GABRR1: variants seen among roughly 807,000 people sequenced by gnomAD.
GABRR1 encodes the protein gamma-aminobutyric acid receptor subunit rho-1.
Under a neutral mutation model 55.5 loss-of-function variants are expected in GABRR1, and 59 were observed. The observed-to-expected ratio is 1.06, with a 90% CI of 0.86 to 1.32. The LOEUF is 1.32. Ranked by LOEUF, GABRR1 falls within the 40% of genes most tolerant of loss-of-function variation. GABRR1 has a pLI of 0.00. For missense variants in GABRR1, 602 were observed against 619.1 expected (o/e 0.97, Z 0.29); for synonymous variants, 213 against 226.0 (o/e 0.94, Z 0.51).
intron 1 of GABRR1, among the ~76,000 whole-genome samples, chr6:89,226,085 G>A (rs1345824037): frequency 3.9e-5 from 6 of 152,054 alleles, no homozygotes; most frequent in Non-Finnish European, 8.8e-5. Context: ...GTCTGTTCAT[G>A]TCCTTCGCCC....
chr6:89,183,963 G>A (rs1031989029), intron 7 of GABRR1, among the ~76,000 whole-genome samples: 2 of 152,142 alleles, frequency 1.3e-5, no homozygotes, highest in Admixed American at 6.5e-5. Context: ...ACTTCAGCTG[G>A]GCGCAGTGGT....
chr6:89,185,281 C>T lies in GABRR1; in HGVS notation c.796+29G>A, dbSNP rs1277779003. On this transcript the variant is annotated intron_variant, in intron 7 of 9. Coordinates refer to ENST00000454853, the MANE Select transcript of GABRR1 (RefSeq NM_002042.5). ...CTTGGAGACCAAGCTGAAGCCTGCC[C>T]TGACTCTCAGCCCTCACTCTACACT... 6.2e-6 allele frequency: 10 copies of T among 1,612,998 alleles called. No homozygotes were observed. In the South Asian group the frequency reaches 7.7e-5, roughly 12 times the overall value.
At chr6:89,184,557 A>T (rs1360280233) in intron 7 of GABRR1, among the ~76,000 whole-genome samples, 1 of 152,214 alleles carries the variant, frequency 6.6e-6, no homozygotes, top group Admixed American at 6.5e-5. Flanking sequence ...CAGCATAGCA[A>T]GAGCAGACTG....
chr6:89,204,614 T>C (rs944407071), intron 1 of GABRR1: 5 of 1,270,616 alleles, frequency 3.9e-6, no homozygotes, highest in Middle Eastern at 2.2e-4. Context: ...TGGGCCAGCC[T>C]GAAATGGAAC....
At chr6:89,225,518 G>C (rs1454985523) in intron 1 of GABRR1, among the ~76,000 whole-genome samples, 2 of 133,814 alleles carry the variant, frequency 1.5e-5, no homozygotes, top group African/African-American at 5.8e-5. Context: ...TGCGGTGTTT[G>C]GTTTTTTGTT....
chr6:89,199,261 G>C (rs1336715593), intron 4 of GABRR1, 101 bp downstream of exon 4: 2 of 1,028,784 alleles, frequency 1.9e-6, no homozygotes, highest in Non-Finnish European at 1.5e-6. Context: ...CCACCGCCCA[G>C]GGCAGTTGTG....
At chr6:89,206,338 C>G (rs1043875447) in intron 1 of GABRR1, among the ~76,000 whole-genome samples, 2 of 152,138 alleles carry the variant, frequency 1.3e-5, no homozygotes, top group Admixed American at 6.6e-5. Flanking sequence ...CCACTCAGCT[C>G]CCACTCTGCC....
chr6:89,192,564 CTTT>C (rs577439930), intron 5 of GABRR1, among the ~76,000 whole-genome samples: 5 of 130,378 alleles, frequency 3.8e-5, no homozygotes, highest in East Asian at 2.2e-4. Flanking sequence ...TCTTCTTCTT[CTTT>C]TTTTTTTTTT....
At chr6:89,201,047 T>C (rs1012403216) in intron 3 of GABRR1, 112 bp downstream of exon 3, 6 of 758,802 alleles carry the variant, frequency 7.9e-6, no homozygotes, top group Admixed American at 2.1e-5. Flanking sequence ...CAAGCACAAC[T>C]GAGGCAGACC....
At chr6:89,184,947 G>A (rs1771853813) in intron 7 of GABRR1, among the ~76,000 whole-genome samples, 1 of 144,234 alleles carries the variant, frequency 6.9e-6, no homozygotes, top group African/African-American at 2.6e-5. Flanking sequence ...GTGCAGTGGT[G>A]TGATCTCAGC....
chr6:89,199,160 G>A (rs111740397), intron 4 of GABRR1, among the ~76,000 whole-genome samples: 21 of 152,260 alleles, frequency 1.4e-4, no homozygotes, highest in African/African-American at 2.4e-4. Context: ...GAGTGAGAAA[G>A]GTTAAGCTTG....
chr6:89,229,537 G>A (rs1773250649), intron 1 of GABRR1, among the ~76,000 whole-genome samples: 1 of 148,356 alleles, frequency 6.7e-6, no homozygotes, highest in Non-Finnish European at 1.5e-5. Context: ...AGTTTGGCTG[G>A]ATATGAAATT....
At position 89,190,240 on chromosome 6, in the gene GABRR1, C is replaced by T. The variant is rs764721810; in HGVS notation, c.580G>A (p.Val194Ile). The change falls in exon 6 of 10, where the codon GTA (valine) becomes ATA (isoleucine). Residue 194 changes from valine to isoleucine, a missense_variant. Physicochemically the swap from Val to Ile is conservative, Grantham distance 29. Around this residue, in one of 3 missense-constraint regions of GABRR1, gnomAD observed 435 missense variants for 424.2 expected, o/e 1.03. Coordinates refer to ENST00000454853, the MANE Select transcript of GABRR1 (RefSeq NM_002042.5). ...AAGTCCATGTTGCACATTGCAGTTACTGTAACCCTAGGGCCAAAAAGACAA... is the reference window on the plus strand; with the variant it reads ...AAGTCCATGTTGCACATTGCAGTTATTGTAACCCTAGGGCCAAAAAGACAA... ...GKVLYSLRVT[V>I]TAMCNMDFSR... 1.9e-6 allele frequency: 3 copies of T among 1,605,206 alleles called. No homozygotes were observed. Among genetic ancestry groups the T allele is most frequent in the Admixed American group, 1.7e-5 (1 of 58,598 alleles).
Position 89,199,438 on chromosome 6 carries a change from A to G in GABRR1, c.281-9T>C. On this transcript the variant is annotated splice_polypyrimidine_tract_variant and intron_variant, in intron 3 of 9. Transcript: ENST00000454853. ...AACAGGAATGGCAGGGCCTGGGGAC[A>G]GAGCATGGCAAGAGCATTCACTGTT... 1 of 1,613,648 alleles carries G rather than the reference A, an allele frequency of 6.2e-7. No homozygotes were observed. The highest frequency in any genetic ancestry group is 8.5e-7 in the Non-Finnish European group (1 of 1,179,588).
chr6:89,230,082 C>G (rs1442879402), intron 1 of GABRR1, among the ~76,000 whole-genome samples: 1 of 132,202 alleles, frequency 7.6e-6, no homozygotes, highest in African/African-American at 2.9e-5. Flanking sequence ...GCATTCCTCA[C>G]GTAGTTCTCG....
intron 6 of GABRR1, 37 bp downstream of exon 6, chr6:89,190,128 G>T (rs1772040059): frequency 1.4e-6 from 2 of 1,418,712 alleles, no homozygotes; most frequent in Non-Finnish European, 2.0e-6. Flanking sequence ...GAATTATCAG[G>T]AGCTGTGTGC....
In GABRR1 at chr6:89,198,193, C is replaced by T; in HGVS notation, c.399G>A (p.Leu133=). 2 of 1,614,086 alleles carry T rather than the reference C, an allele frequency of 1.2e-6. No homozygotes were observed. The highest frequency in any genetic ancestry group is 1.7e-6 in the Non-Finnish European group (2 of 1,180,012). The part of the protein sequence containing the change: ...YLRHYWKDER[L]SFPSTNNLSM... ...TGAGGTTGTTGGTGCTTGGAAAAGA[C>T]AGCCTCTCGTCCTTCCAGTAGTGCC... The change falls in exon 5 of 10, where the codon CTG becomes CTA. Residue 133 remains leucine (L), a synonymous_variant. Transcript: ENST00000454853.
At chr6:89,188,636 T>A (rs1308783480) in intron 6 of GABRR1, among the ~76,000 whole-genome samples, 2 of 152,192 alleles carry the variant, frequency 1.3e-5, no homozygotes, top group Admixed American at 6.5e-5. Context: ...TTTTAGCTGT[T>A]CTCTTTGTAT....
upstream of GABRR1, among the ~76,000 whole-genome samples, chr6:89,222,116 C>T (rs981714306): frequency 6.6e-6 from 1 of 152,188 alleles, no homozygotes; most frequent in Non-Finnish European, 1.5e-5. Flanking sequence ...AGGCAAGTGA[C>T]ATAGGAGCTG....
Sources: allele counts gnomAD v4.1 joint callset (sites outside exome capture counted in the v4.1 genomes callset), GRCh38; gene constraint gnomAD v4.1.1; regional missense constraint gnomAD v4.1.1; transcripts MANE v1.5; gene names NCBI Gene and HGNC (gene_info 2026-07-23, HGNC 2026-07-21).